Variants in ADGB observed in about 807,000 individuals in gnomAD.
The protein encoded by ADGB is calpain-7-like protein.
In ADGB, 172 loss-of-function variants were observed where a neutral mutation model predicts 210.5. That is an observed-to-expected ratio of 0.82 (90% CI 0.72 to 0.93). The LOEUF is 0.93. Ranked by LOEUF, ADGB falls within the 40% of genes least tolerant of loss-of-function variation. ADGB has a pLI of 0.00. For missense variants in ADGB, 2,025 were observed against 1,964.8 expected (o/e 1.03, Z -0.58); for synonymous variants, 658 against 662.7 (o/e 0.99, Z 0.11).
intron 14 of ADGB, among the ~76,000 whole-genome samples, chr6:146,715,770 C>T (rs1484303079): frequency 6.6e-6 from 1 of 152,076 alleles, no homozygotes; most frequent in African/African-American, 2.4e-5. Flanking sequence ...ATCCAGAAGT[C>T]TTTAAGAATG....
At chr6:146,802,187 T>C (rs1254294979) in intron 35 of ADGB, among the ~76,000 whole-genome samples, 176 bp downstream of exon 35, 1 of 152,056 alleles carries the variant, frequency 6.6e-6, no homozygotes, top group Non-Finnish European at 1.5e-5. Context: ...CTCATCTCAC[T>C]CCCTCCCTAA....
At chr6:146,710,929 G>A (rs1040350662) in intron 13 of ADGB, among the ~76,000 whole-genome samples, 7 of 151,926 alleles carry the variant, frequency 4.6e-5, no homozygotes, top group African/African-American at 1.2e-4. Flanking sequence ...TTTCTCCCTC[G>A]GCACCTGTGA....
rs149917345 is a variant in ADGB, at chr6:146,760,375, G to A, written c.3551-3526G>A. Among the ~76,000 whole-genome samples the A allele has an allele frequency of 9.7e-3, 1,479 of 151,730 alleles. 5 individuals carry two copies. The highest frequency in any genetic ancestry group is 0.013 in the African/African-American group (555 of 41,460). On this transcript the variant is annotated intron_variant, in intron 27 of 35. Coordinates refer to ENST00000397944, the MANE Select transcript of ADGB (RefSeq NM_024694.4). ...CATATAGTATTTATCTTTTGACACC[G>A]GCTTCTTTTGCTCAGCATAATGTTT...
intron 22 of ADGB, among the ~76,000 whole-genome samples, chr6:146,734,961 G>T (rs1297082865): frequency 2.0e-5 from 3 of 151,764 alleles, no homozygotes; most frequent in Admixed American, 6.6e-5. Context: ...TTTTCATTCT[G>T]TGGTTTTTGC....
chr6:146,631,396 G>A (rs1206003706), intron 1 of ADGB, among the ~76,000 whole-genome samples: 1 of 152,160 alleles, frequency 6.6e-6, no homozygotes, highest in Non-Finnish European at 1.5e-5. Context: ...GGAAGAGAGA[G>A]AGAAGTATCT....
chr6:146,746,205 T>G, intron 26 of ADGB, 96 bp downstream of exon 26: 1 of 897,430 alleles, frequency 1.1e-6, no homozygotes, highest in Non-Finnish European at 1.6e-6. Context: ...GAGTCGGTTT[T>G]GAATTTCAAA....
Position 146,803,605 on chromosome 6 carries a change from T to G in ADGB, c.4818+1594T>G, listed in dbSNP as rs11969484. On this transcript the variant is annotated intron_variant, in intron 35 of 35. Coordinates refer to ENST00000397944, the MANE Select transcript of ADGB (RefSeq NM_024694.4). Reference sequence around the variant, plus strand: ...AGACTTCTTAACCTCCTTCATGTTCTTATCAGTGAAATTAGAGATCTTTTT... The same window carrying G: ...AGACTTCTTAACCTCCTTCATGTTCGTATCAGTGAAATTAGAGATCTTTTT... 0.013 allele frequency: 17,164 copies of G among 1,355,316 alleles called. 1,658 individuals are homozygous for G. In the African/African-American group the frequency reaches 0.21, roughly 17 times the overall value. 84.0% of individuals were successfully genotyped at this position (1,355,316 alleles called of 1,614,324 possible). A position where few individuals can be genotyped will look rare whatever the true frequency, so the allele number is the denominator to read the frequency against.
chr6:146,713,432 C>T (rs1031211752), intron 13 of ADGB, among the ~76,000 whole-genome samples: 7 of 152,066 alleles, frequency 4.6e-5, no homozygotes, highest in Non-Finnish European at 4.4e-5. Flanking sequence ...ATGGTAGCCA[C>T]CCTAATGGGC....
intron 15 of ADGB, 109 bp downstream of exon 15, chr6:146,717,178 G>T: frequency 1.1e-6 from 1 of 900,484 alleles, no homozygotes; most frequent in Non-Finnish European, 1.6e-6. Context: ...TAATATAGTG[G>T]TTATATAACC....
intron 1 of ADGB, among the ~76,000 whole-genome samples, chr6:146,615,853 G>A (rs904653185): frequency 6.6e-6 from 1 of 152,162 alleles, no homozygotes; most frequent in Admixed American, 6.5e-5. Context: ...TGGCTACTGT[G>A]AATAGTGCTG....
intron 33 of ADGB, among the ~76,000 whole-genome samples, chr6:146,799,791 A>G (rs1382545028): frequency 6.6e-6 from 1 of 151,740 alleles, no homozygotes; most frequent in East Asian, 1.9e-4. Flanking sequence ...GAAACGTAAA[A>G]CTGTTTCTTT....
chr6:146,691,269 G>C lies in ADGB; in HGVS notation c.1465G>C (p.Val489Leu), dbSNP rs1179730843. 4 of 1,545,786 alleles carry C rather than the reference G, an allele frequency of 2.6e-6. No homozygotes were observed. The highest frequency in any genetic ancestry group is 2.5e-5 in the East Asian group (1 of 40,738). Residue 489 changes from valine to leucine, a missense_variant, in exon 11 of 36, where the codon GTT becomes CTT. Physicochemically the swap from Val to Leu is conservative, Grantham distance 32. Transcript: ENST00000397944. ...ACTCATTCGTCAAAAAAAGGAAACT[G>C]TTATAACAGATGAAGCTCAAGGTAT... is the stretch of plus-strand genomic sequence containing the variant. ...WKLIRQKKET[V>L]ITDEAQELIV...
chr6:146,691,443 A>AATATATATATATAT (rs1397599810), intron 11 of ADGB, among the ~76,000 whole-genome samples, 153 bp downstream of exon 11: 2 of 21,262 alleles, frequency 9.4e-5, no homozygotes, highest in African/African-American at 7.5e-4. Context: ...TATATATATA[A>AATATATATATATAT]AAATATATAT....
At chr6:146,622,581 GA>G (rs1780910824) in intron 1 of ADGB, among the ~76,000 whole-genome samples, 1 of 152,026 alleles carries the variant, frequency 6.6e-6, no homozygotes, top group Non-Finnish European at 1.5e-5. Context: ...TAGAGTATTT[GA>G]TCAAATAGCT....
intron 9 of ADGB, among the ~76,000 whole-genome samples, chr6:146,683,555 A>G (rs1335303724): frequency 1.3e-5 from 2 of 152,110 alleles, no homozygotes; most frequent in African/African-American, 2.4e-5. Flanking sequence ...TCAACATTAC[A>G]TATTACAATC....
chr6:146,655,467 G>A (rs1435119870), intron 4 of ADGB, among the ~76,000 whole-genome samples: 1 of 152,104 alleles, frequency 6.6e-6, no homozygotes, highest in African/African-American at 2.4e-5. Flanking sequence ...TCCATCACAA[G>A]CAGGCCTGTT....
At chr6:146,640,720 G>A (rs796821008) in intron 2 of ADGB, among the ~76,000 whole-genome samples, 1 of 151,922 alleles carries the variant, frequency 6.6e-6, no homozygotes, top group Non-Finnish European at 1.5e-5. Flanking sequence ...ACCCCTTCAT[G>A]TAAAAACCTC....
Position 146,736,445 on chromosome 6 carries a change from A to C in ADGB, c.2795-53A>C, listed in dbSNP as rs1777079797. 7.9e-6 allele frequency: 9 copies of C among 1,143,712 alleles called. No homozygotes were observed. The Admixed American group carries it at 2.4e-4, about 31-fold the overall frequency. The allele number at this position is 1,143,712 out of a possible 1,614,324, so 70.8% of individuals were successfully genotyped here. A position where few individuals can be genotyped will look rare whatever the true frequency, so the allele number is the denominator to read the frequency against. Reference sequence around the variant, plus strand: ...GAAAATGAAGGCTTTGGACAAGATGATCTTTCAGGCATCTTAAAGCTTAAC... The same window carrying C: ...GAAAATGAAGGCTTTGGACAAGATGCTCTTTCAGGCATCTTAAAGCTTAAC... On this transcript the variant is annotated intron_variant, in intron 22 of 35. Transcript: ENST00000397944.
At chr6:146,728,795 G>GAAGA in intron 20 of ADGB, 54 bp downstream of exon 20, 1 of 1,406,994 alleles carries the variant, frequency 7.1e-7, no homozygotes, top group Non-Finnish European at 9.5e-7. Context: ...TTTCAAAATG[G>GAAGA]TATATCTTCC....
Sources: gnomAD v4.1 joint callset for allele counts (sites outside exome capture counted in the v4.1 genomes callset) on GRCh38, gnomAD v4.1.1 for gene constraint, MANE v1.5 for transcripts, NCBI Gene and HGNC (gene_info 2026-07-23, HGNC 2026-07-21) for gene names.